DNAJC3: variants seen among roughly 807,000 people sequenced by gnomAD.
DNAJC3 encodes DnaJ heat shock protein family (Hsp40) member C3.
DNAJC3 carries 38 observed loss-of-function variants against 68.6 expected under a neutral mutation model. That is an observed-to-expected ratio of 0.55 (90% CI 0.43 to 0.73). The LOEUF (loss-of-function observed/expected upper bound fraction) is 0.73, where lower values mean the gene tolerates loss of function less well. Ranked by LOEUF, DNAJC3 falls within the 30% of genes least tolerant of loss-of-function variation. The pLI is 0.00. For missense variants in DNAJC3, 526 were observed against 591.9 expected, an observed-to-expected ratio of 0.89 and a Z score of 1.16; for synonymous variants, 203 against 204.0, an observed-to-expected ratio of 1.00 and a Z score of 0.04.
chr13:95,742,617 CT>C, intron 4 of DNAJC3: 1 of 488,148 alleles, frequency 2.0e-6, no homozygotes, highest in Non-Finnish European at 4.1e-6. Context: ...TCACTTCTCT[CT>C]TCTTCTTCTT....
At position 95,704,851 on chromosome 13, in the gene DNAJC3, G is replaced by GTT. The variant is rs1193979630; in HGVS notation, c.83-4359_83-4358dup. The stretch of plus-strand genomic sequence containing the variant: ...AGAAAGGACTAATCTGTGTGTGTGT[G>GTT]TTTTTTTTTTTTTTTTTTGAGACAG... On this transcript the variant is annotated intron_variant, in intron 1 of 11. Coordinates refer to ENST00000602402, the MANE Select transcript of DNAJC3 (RefSeq NM_006260.5). Among the ~76,000 whole-genome samples the GTT allele has an allele frequency of 8.5e-4, 83 of 97,804 alleles. 4 individuals carry two copies. The highest frequency in any genetic ancestry group is 2.7e-3 in the East Asian group (10 of 3,672). 64.2% of individuals were successfully genotyped at this position (97,804 alleles called of 152,430 possible).
chr13:95,686,476 G>C (rs1343237853), intron 1 of DNAJC3, among the ~76,000 whole-genome samples: 1 of 152,170 alleles, frequency 6.6e-6, no homozygotes, highest in African/African-American at 2.4e-5. Flanking sequence ...TTGCATTTGT[G>C]TTTGGGGTCT....
intron 9 of DNAJC3, among the ~76,000 whole-genome samples, chr13:95,769,862 C>T (rs1181428477): frequency 1.3e-5 from 2 of 152,214 alleles, no homozygotes; most frequent in Non-Finnish European, 2.9e-5. Context: ...AAACATTGTA[C>T]TCCCTCTGGT....
At chr13:95,780,351 C>G (rs1883416325) in intron 9 of DNAJC3, among the ~76,000 whole-genome samples, 1 of 152,184 alleles carries the variant, frequency 6.6e-6, no homozygotes, top group Admixed American at 6.5e-5. Flanking sequence ...CTCTGTCTTG[C>G]CCCAGTAAGC....
At chr13:95,781,357 A>G (rs1883447034) in intron 9 of DNAJC3, among the ~76,000 whole-genome samples, 1 of 152,020 alleles carries the variant, frequency 6.6e-6, no homozygotes, top group Non-Finnish European at 1.5e-5. Context: ...CAGCTTGCCA[A>G]AGTGAGGGTC....
chr13:95,712,927 G>C (rs1361853816), intron 2 of DNAJC3, among the ~76,000 whole-genome samples: 1 of 152,104 alleles, frequency 6.6e-6, no homozygotes, highest in Non-Finnish European at 1.5e-5. Flanking sequence ...AATCATGGGG[G>C]TGGTTACCCC....
At chr13:95,758,306 C>A (rs1385554334) in intron 5 of DNAJC3, among the ~76,000 whole-genome samples, 1 of 151,944 alleles carries the variant, frequency 6.6e-6, no homozygotes, top group Non-Finnish European at 1.5e-5. Flanking sequence ...CACTGTACCC[C>A]AGCCTGGGCG....
chr13:95,713,329 C>T (rs1239540630), intron 2 of DNAJC3, among the ~76,000 whole-genome samples: 4 of 152,032 alleles, frequency 2.6e-5, no homozygotes, highest in African/African-American at 9.7e-5. Flanking sequence ...TTTAGCAAGG[C>T]CACTCACTAG....
At chr13:95,735,871 G>A (rs1450056440) in intron 4 of DNAJC3, among the ~76,000 whole-genome samples, 1 of 152,120 alleles carries the variant, frequency 6.6e-6, no homozygotes, top group East Asian at 1.9e-4. Context: ...ATTCCTTTTG[G>A]TGTTTTAGAC....
intron 4 of DNAJC3, among the ~76,000 whole-genome samples, chr13:95,735,992 T>A (rs1476800233): frequency 6.6e-6 from 1 of 152,190 alleles, no homozygotes; most frequent in African/African-American, 2.4e-5. Context: ...TTGAATTGAT[T>A]TTTGTATAAG....
chr13:95,752,610 G>T (rs927900943), intron 4 of DNAJC3, among the ~76,000 whole-genome samples: 1 of 152,154 alleles, frequency 6.6e-6, no homozygotes, highest in Non-Finnish European at 1.5e-5. Context: ...GATTATATAG[G>T]TTAGTTACAT....
intron 9 of DNAJC3, among the ~76,000 whole-genome samples, chr13:95,768,586 C>T (rs1416958703): frequency 6.6e-6 from 1 of 152,224 alleles, no homozygotes; most frequent in East Asian, 1.9e-4. Context: ...GGGTGTTATC[C>T]TGTTTGCAGA....
At chr13:95,709,537 A>G (rs1016774341) in intron 2 of DNAJC3, among the ~76,000 whole-genome samples, 200 bp downstream of exon 2, 1 of 152,134 alleles carries the variant, frequency 6.6e-6, no homozygotes, top group Non-Finnish European at 1.5e-5. Context: ...ACATGAGAGA[A>G]GTTTGAAGGT....
intron 2 of DNAJC3, among the ~76,000 whole-genome samples, chr13:95,713,461 C>CA (rs1176327121): frequency 6.6e-6 from 1 of 152,076 alleles, no homozygotes; most frequent in African/African-American, 2.4e-5. Context: ...CTGAAAACCA[C>CA]AAAAATAGTT....
chr13:95,792,855 G>C lies in DNAJC3; in HGVS notation c.*1825G>C, dbSNP rs1883821465. 6.6e-6 allele frequency: 1 copy of C among 152,132 alleles called. No homozygotes were observed. Among genetic ancestry groups the C allele is most frequent in the South Asian group, 2.1e-4 (1 of 4,824 alleles). 9.4% of individuals were successfully genotyped at this position (152,132 alleles called of 1,614,324 possible). The stretch of plus-strand genomic sequence containing the variant: ...GGTTCCTTTTGTATATGATGTCACT[G>C]TGACCTCTTTGAAATATAGTGATGG... On this transcript the variant is annotated 3_prime_UTR_variant, in exon 12 of 12. Transcript: ENST00000602402.
At position 95,764,367 on chromosome 13, in the gene DNAJC3, CTCTCTCTCTATA is replaced by C. The variant is rs1244753959; in HGVS notation, c.1075+416_1075+427del. On this transcript the variant is annotated intron_variant, in intron 9 of 11. Transcript: ENST00000602402. ...ACATATTCTCTCTCTCTCTCTCTCT[CTCTCTCTCTATA>C]TATATATATATATATACTCGGTGTG... Among the ~76,000 whole-genome samples, 728 of 140,274 alleles carry C rather than the reference CTCTCTCTCTATA, an allele frequency of 5.2e-3. 5 individuals carry two copies. Among genetic ancestry groups the C allele is most frequent in the African/African-American group, 0.021 (704 of 33,120 alleles). The allele number at this position is 140,274 out of a possible 152,430, so 92.0% of individuals were successfully genotyped here. A position where few individuals can be genotyped will look rare whatever the true frequency, so the allele number is the denominator to read the frequency against.
At chr13:95,688,519 G>GT (rs113150172) in intron 1 of DNAJC3, among the ~76,000 whole-genome samples, 3,935 of 143,698 alleles carry the variant, frequency 0.027, 121 homozygotes, top group African/African-American at 0.079. Context: ...TTTTTCTACA[G>GT]TTTTTTTTTT....
At chr13:95,683,328 C>G (rs1263263629) in intron 1 of DNAJC3, among the ~76,000 whole-genome samples, 1 of 152,024 alleles carries the variant, frequency 6.6e-6, no homozygotes, top group Non-Finnish European at 1.5e-5. Context: ...ATCTCATGTT[C>G]AGCTGTAATC....
At chr13:95,778,003 T>C (rs1883335225) in intron 9 of DNAJC3, among the ~76,000 whole-genome samples, 1 of 151,970 alleles carries the variant, frequency 6.6e-6, no homozygotes, top group South Asian at 2.1e-4. Context: ...AGAAGGAAAA[T>C]TGAAAAATTC....
Sources: allele counts gnomAD v4.1 joint callset (sites outside exome capture counted in the v4.1 genomes callset), GRCh38; gene constraint gnomAD v4.1.1; transcripts MANE v1.5; gene names NCBI Gene and HGNC (gene_info 2026-07-23, HGNC 2026-07-21).